SORCS3: variants seen among roughly 807,000 people sequenced by gnomAD.
SORCS3 encodes sortilin related VPS10 domain containing receptor 3.
A neutral mutation model predicts 146.3 loss-of-function variants in SORCS3; 57 were observed. The ratio of observed to expected loss-of-function variants is 0.39; its 90% CI spans 0.31 to 0.49. SORCS3 has a LOEUF of 0.49. SORCS3 is among the 20% of genes least tolerant of loss of function. SORCS3 has a pLI of 0.92. For missense variants in SORCS3, 1,341 were observed against 1,575.5 expected, an observed-to-expected ratio of 0.85 and a Z score of 2.52; for synonymous variants, 653 against 618.5, an observed-to-expected ratio of 1.06 and a Z score of -0.83.
At chr10:104,911,153 C>A (rs1414355116) in intron 2 of SORCS3, among the ~76,000 whole-genome samples, 11 of 152,246 alleles carry the variant, frequency 7.2e-5, no homozygotes, top group Admixed American at 2.0e-4. Context: ...ACCTCTCTAC[C>A]ATTTGCCCCT....
chr10:104,830,918 C>A (rs1450306040), intron 1 of SORCS3, among the ~76,000 whole-genome samples: 1 of 152,034 alleles, frequency 6.6e-6, no homozygotes, highest in Non-Finnish European at 1.5e-5. Context: ...CTCAAGTGTT[C>A]CTCCTGCCTC....
intron 1 of SORCS3, among the ~76,000 whole-genome samples, chr10:104,825,998 T>C (rs1350157065): frequency 1.3e-5 from 2 of 152,214 alleles, no homozygotes; most frequent in Non-Finnish European, 2.9e-5. Flanking sequence ...AATGGCCCAT[T>C]TTTAAGTCAG....
At chr10:105,178,254 GGAA>G in intron 14 of SORCS3, 81 bp downstream of exon 14, 1 of 1,134,096 alleles carries the variant, frequency 8.8e-7, no homozygotes, top group Non-Finnish European at 1.3e-6. Flanking sequence ...TTTTTCCCAG[GGAA>G]CCCTACACCA....
At chr10:105,016,055 G>A (rs1355852892) in intron 4 of SORCS3, among the ~76,000 whole-genome samples, 1 of 148,212 alleles carries the variant, frequency 6.7e-6, no homozygotes, top group Admixed American at 6.7e-5. Flanking sequence ...AACTTTTGGT[G>A]GTAGGATCAC....
chr10:104,808,734 G>T (rs2017708668), intron 1 of SORCS3, among the ~76,000 whole-genome samples: 1 of 152,198 alleles, frequency 6.6e-6, no homozygotes, highest in Non-Finnish European at 1.5e-5. Flanking sequence ...CATCTACTGA[G>T]TATTTACATC....
At chr10:104,770,619 A>C (rs2017236959) in intron 1 of SORCS3, among the ~76,000 whole-genome samples, 2 of 152,136 alleles carry the variant, frequency 1.3e-5, no homozygotes, top group African/African-American at 4.8e-5. Flanking sequence ...CAGGAGTTCA[A>C]GACCAGCTTT....
chr10:105,169,185 C>G (rs138260647), intron 13 of SORCS3, among the ~76,000 whole-genome samples: 172 of 152,222 alleles, frequency 1.1e-3, no homozygotes, highest in Non-Finnish European at 2.1e-3. Flanking sequence ...ACATGTATAC[C>G]TGGCAGCACC....
intron 7 of SORCS3, among the ~76,000 whole-genome samples, chr10:105,113,410 C>G (rs189845555): frequency 1.3e-5 from 2 of 152,162 alleles, no homozygotes; most frequent in Admixed American, 6.6e-5. Flanking sequence ...TTGGTAACCT[C>G]TTTATAATGA....
intron 9 of SORCS3, among the ~76,000 whole-genome samples, chr10:105,151,129 C>G (rs1436948543): frequency 6.6e-6 from 1 of 152,142 alleles, no homozygotes; most frequent in Non-Finnish European, 1.5e-5. Context: ...TGTGATTCCA[C>G]CAGGTTGTGG....
At chr10:104,798,778 GA>G (rs2017589193) in intron 1 of SORCS3, among the ~76,000 whole-genome samples, 1 of 152,008 alleles carries the variant, frequency 6.6e-6, no homozygotes, top group South Asian at 2.1e-4. Context: ...CAGAATGGGA[GA>G]AAATTTTTGC....
chr10:105,181,230 T>A (rs1233373838), intron 14 of SORCS3, among the ~76,000 whole-genome samples: 2 of 152,226 alleles, frequency 1.3e-5, no homozygotes, highest in Non-Finnish European at 2.9e-5. Context: ...GTTGTGATTG[T>A]TGTGATTTTT....
chr10:105,089,724 G>A, intron 5 of SORCS3, 51 bp from the exon 6 acceptor site: 1 of 1,488,988 alleles, frequency 6.7e-7, no homozygotes, highest in Non-Finnish European at 9.4e-7. Context: ...CCACTTTGCT[G>A]TCTGCTATCG....
At chr10:104,827,436 A>G (rs905074748) in intron 1 of SORCS3, among the ~76,000 whole-genome samples, 6 of 152,188 alleles carry the variant, frequency 3.9e-5, no homozygotes, top group Non-Finnish European at 1.5e-5. Context: ...GACCAGGTGC[A>G]TTGTCAGTAA....
intron 2 of SORCS3, among the ~76,000 whole-genome samples, chr10:104,866,376 A>AT (rs955651015): frequency 2.6e-5 from 4 of 151,762 alleles, no homozygotes; most frequent in African/African-American, 7.3e-5. Flanking sequence ...GGGTCTAGGA[A>AT]TTTTTTTTTA....
intron 2 of SORCS3, among the ~76,000 whole-genome samples, chr10:104,888,435 G>A (rs1413730587): frequency 6.6e-6 from 1 of 152,186 alleles, no homozygotes; most frequent in African/African-American, 2.4e-5. Flanking sequence ...GGCCCAGTAG[G>A]AGAGTCCATT....
At chr10:105,171,635 T>C (rs1411367449) in intron 13 of SORCS3, among the ~76,000 whole-genome samples, 1 of 152,194 alleles carries the variant, frequency 6.6e-6, no homozygotes, top group African/African-American at 2.4e-5. Flanking sequence ...AAAGCAAAAG[T>C]GCATGTACTG....
chr10:105,004,348 A>G (rs889476704), intron 4 of SORCS3, among the ~76,000 whole-genome samples: 4 of 152,198 alleles, frequency 2.6e-5, no homozygotes, highest in African/African-American at 9.6e-5. Context: ...TAAGGAAGCA[A>G]CATGGCATGG....
chr10:105,040,706 A>G (rs566111174), intron 4 of SORCS3, among the ~76,000 whole-genome samples: 72 of 148,282 alleles, frequency 4.9e-4, no homozygotes, highest in African/African-American at 1.8e-3. Context: ...TGTTTTATTC[A>G]CCAGGTTGGT....
intron 4 of SORCS3, among the ~76,000 whole-genome samples, chr10:105,003,566 G>A (rs2133674743): frequency 6.6e-6 from 1 of 152,292 alleles, no homozygotes; most frequent in Non-Finnish European, 1.5e-5. Flanking sequence ...ATTAGCTTAT[G>A]CAACTGGTTA....
Sources: gnomAD v4.1 joint callset for allele counts (sites outside exome capture counted in the v4.1 genomes callset) on GRCh38, gnomAD v4.1.1 for gene constraint, MANE v1.5 for transcripts, NCBI Gene and HGNC (gene_info 2026-07-23, HGNC 2026-07-21) for gene names.